Variants in DGLUCY observed in about 807,000 individuals in gnomAD.
DGLUCY encodes the protein D-glutamate cyclase, mitochondrial.
DGLUCY carries 58 observed loss-of-function variants against 58.5 expected under a neutral mutation model. The observed-to-expected ratio is 0.99, with a 90% confidence interval of 0.80 to 1.23. The LOEUF is 1.23. DGLUCY is among the 50% of genes most tolerant of loss of function. The pLI, the probability that DGLUCY is intolerant of heterozygous loss-of-function variation, is 0.00. For missense variants in DGLUCY, 779 were observed against 784.7 expected, an observed-to-expected ratio of 0.99 and a Z score of 0.09; for synonymous variants, 325 against 314.1, an observed-to-expected ratio of 1.03 and a Z score of -0.37.
chr14:91,224,655 C>T, intron 13 of DGLUCY, 29 bp from the exon 14 acceptor site: 11 of 1,568,008 alleles, frequency 7.0e-6, no homozygotes, highest in Non-Finnish European at 9.6e-6. Flanking sequence ...CCCCTCCACT[C>T]CTTCTATTTC....
At chr14:91,116,376 A>G (rs1172183974) in intron 1 of DGLUCY, among the ~76,000 whole-genome samples, 1 of 152,202 alleles carries the variant, frequency 6.6e-6, no homozygotes, top group Non-Finnish European at 1.5e-5. Flanking sequence ...AATTGTAGAG[A>G]AACTAAATGA....
At chr14:91,169,100 A>G (rs1170516565) in intron 4 of DGLUCY, among the ~76,000 whole-genome samples, 2 of 152,012 alleles carry the variant, frequency 1.3e-5, no homozygotes, top group Non-Finnish European at 2.9e-5. Context: ...AAAAAAATAA[A>G]TAAATAAAAA....
intron 1 of DGLUCY, among the ~76,000 whole-genome samples, chr14:91,083,283 A>C (rs925868091): frequency 2.0e-5 from 3 of 152,196 alleles, no homozygotes; most frequent in Non-Finnish European, 4.4e-5. Flanking sequence ...GCACTTTGGG[A>C]GGCCAAGGCA....
intron 1 of DGLUCY, among the ~76,000 whole-genome samples, chr14:91,066,403 A>G (rs931381403): frequency 4.6e-5 from 7 of 151,550 alleles, no homozygotes; most frequent in African/African-American, 9.7e-5. Context: ...AAAAAAAAAA[A>G]AAGAAGGAAA....
At chr14:91,115,751 G>C (rs573546312) in intron 1 of DGLUCY, among the ~76,000 whole-genome samples, 2 of 152,318 alleles carry the variant, frequency 1.3e-5, no homozygotes, top group African/African-American at 4.8e-5. Context: ...TCCAGCTGAG[G>C]GCTAGATCCC....
rs2050440367 is a variant in DGLUCY at position 91,199,790 on chromosome 14, A to G, written c.1329A>G (p.Gly443=). The change falls in exon 11 of 14, where the codon GGA becomes GGG. Residue 443 remains glycine, a synonymous_variant. Transcript: ENST00000256324. The part of the protein sequence containing the change: ...FDHLVAIERA[G]RAADGNYYNA... ...ACCTGGTGGCCATAGAGCGTGCCGGAAGAGCTGCTGATGGCAATTACTACA... is the reference window on the plus strand; with the variant it reads ...ACCTGGTGGCCATAGAGCGTGCCGGGAGAGCTGCTGATGGCAATTACTACA... The G allele has an allele frequency of 6.2e-7, 1 of 1,614,204 alleles. No individual in the cohort carries two copies. The highest frequency in any genetic ancestry group is 1.7e-5 in the Admixed American group (1 of 60,028).
intron 8 of DGLUCY, among the ~76,000 whole-genome samples, chr14:91,187,849 GT>G (rs1016445440): frequency 1.1e-4 from 16 of 151,006 alleles, no homozygotes; most frequent in African/African-American, 3.9e-4. Flanking sequence ...ATCCTTTACT[GT>G]TTTTTTTTCC....
intron 3 of DGLUCY, among the ~76,000 whole-genome samples, chr14:91,165,748 G>A (rs1333088897): frequency 6.6e-6 from 1 of 152,230 alleles, no homozygotes; most frequent in Non-Finnish European, 1.5e-5. Context: ...TATTGGAGAT[G>A]CTCACATACC....
chr14:91,176,039 G>T lies in DGLUCY; in HGVS notation c.713G>T (p.Gly238Val). Residue 238 changes from glycine (G) to valine (V), a missense_variant, in exon 7 of 14, where the codon GGA (glycine) becomes GTA (valine). Gly to Val is a moderately radical substitution (Grantham distance 109). Transcript: ENST00000256324. ...VFWPSPLTSL[G>V]AVSSCETPLA... is the part of the protein sequence containing the mutation. ...TGGCCTTCTCCGCTGACCAGTCTCG[G>T]AGCTGTCAGCAGCTGTGGTACGTTG... 6.2e-7 allele frequency: 1 copy of T among 1,613,998 alleles called. No homozygotes were observed. The highest frequency in any genetic ancestry group is 8.5e-7 in the Non-Finnish European group (1 of 1,179,880).
chr14:91,095,440 G>A (rs1228482540), intron 1 of DGLUCY, among the ~76,000 whole-genome samples: 1 of 152,156 alleles, frequency 6.6e-6, no homozygotes, highest in Non-Finnish European at 1.5e-5. Flanking sequence ...GCTTGTCACC[G>A]CATCTTTACA....
chr14:91,167,302 G>A lies in DGLUCY; in HGVS notation c.181G>A (p.Gly61Ser). Residue 61 changes from glycine to serine, a missense_variant, in exon 4 of 14, where the codon GGT (glycine) becomes AGT (serine). Physicochemically the swap from Gly to Ser is moderately conservative, Grantham distance 56. Transcript: ENST00000256324. ...AFERFCQVNT[G>S]PLPLLGQSEP... ...TGAAAGATTCTGCCAGGTCAACACT[G>A]GTCCTCTACCCCTGCTGGGCCAGAG... 6.2e-7 allele frequency: 1 copy of A among 1,613,854 alleles called. No individual in the cohort carries two copies. Among genetic ancestry groups the A allele is most frequent in the Non-Finnish European group, 8.5e-7 (1 of 1,179,934 alleles).
intron 1 of DGLUCY, among the ~76,000 whole-genome samples, chr14:91,153,285 C>T (rs889047056): frequency 1.3e-5 from 2 of 152,142 alleles, no homozygotes; most frequent in African/African-American, 4.8e-5. Context: ...CTGGTTCAAG[C>T]GAGTCTCGTG....
In DGLUCY at chr14:91,065,601, A is replaced by G. The variant is rs141260089; in HGVS notation, c.-82+4897A>G. ...GGGCCTGGACTTTGGGATTTTTTTT[A>G]AAGCTCCCCACATCATTAACCTAAT... On this transcript the variant is annotated intron_variant, in intron 1 of 4. Coordinates refer to the DGLUCY transcript ENST00000521334. 1.6e-3 allele frequency among the ~76,000 whole-genome samples: 242 copies of G among 152,310 alleles called. 3 individuals are homozygous for G. Among genetic ancestry groups the G allele is most frequent in the Admixed American group, 0.015 (231 of 15,296 alleles).
rs540454892 is a variant in DGLUCY, at chr14:91,177,547, C to T, written c.730+1491C>T. ...ATTACAATGAAGAGACACACGAGGG[C>T]GCCCTCGCTAGCTCTCAGTAAGATA... On this transcript the variant is annotated intron_variant, in intron 7 of 13. Coordinates refer to ENST00000256324, the MANE Select transcript of DGLUCY (RefSeq NM_001102368.3). Among the ~76,000 whole-genome samples the T allele has an allele frequency of 3.9e-5, 6 of 152,302 alleles. No homozygotes were observed. In the South Asian group the frequency reaches 1.0e-3, roughly 26 times the overall value.
At chr14:91,224,344 A>G (rs942739786) in intron 13 of DGLUCY, among the ~76,000 whole-genome samples, 3 of 152,344 alleles carry the variant, frequency 2.0e-5, no homozygotes, top group South Asian at 2.1e-4. Context: ...TCTGGGCAAC[A>G]TAGCAAGACC....
In DGLUCY at chr14:91,169,993, A is replaced by G. The variant is rs756093093; in HGVS notation, c.258-10A>G. 5 of 1,611,570 alleles carry G rather than the reference A, an allele frequency of 3.1e-6. No homozygotes were observed. Among genetic ancestry groups the G allele is most frequent in the Non-Finnish European group, 3.4e-6 (4 of 1,179,690 alleles). ...CTGGGGCCCTCCCAGCTTTCCCCTT[A>G]TGTCCCCAGGATGGGCCATCCCCAG... On this transcript the variant is annotated splice_polypyrimidine_tract_variant and intron_variant, in intron 4 of 13. Transcript: ENST00000256324.
chr14:91,168,099 C>T (rs927812210), intron 4 of DGLUCY, among the ~76,000 whole-genome samples: 7 of 151,816 alleles, frequency 4.6e-5, no homozygotes, highest in African/African-American at 1.7e-4. Flanking sequence ...GACCTGGTCT[C>T]TACAAATTTT....
Position 91,225,029 on chromosome 14 carries a change from T to C in DGLUCY, c.*196T>C. 2.0e-6 allele frequency: 1 copy of C among 504,366 alleles called. No homozygotes were observed. Among genetic ancestry groups the C allele is most frequent in the Non-Finnish European group, 3.3e-6 (1 of 305,414 alleles). 31.2% of individuals were successfully genotyped at this position (504,366 alleles called of 1,614,324 possible). On this transcript the variant is annotated 3_prime_UTR_variant, in exon 14 of 14. Coordinates refer to ENST00000256324, the MANE Select transcript of DGLUCY (RefSeq NM_001102368.3). Reference sequence around the variant, plus strand: ...AGGTGCTGTGGACAAAGGACAACATTTCTCTGGGGCTTTTTAACTTTTATT... The same window carrying C: ...AGGTGCTGTGGACAAAGGACAACATCTCTCTGGGGCTTTTTAACTTTTATT...
chr14:91,117,521 T>C (rs545293288), intron 1 of DGLUCY, among the ~76,000 whole-genome samples: 1 of 152,300 alleles, frequency 6.6e-6, no homozygotes, highest in East Asian at 1.9e-4. Context: ...TGAATCATCC[T>C]GTGCTTCCTT....
Sources: allele counts gnomAD v4.1 joint callset (sites outside exome capture counted in the v4.1 genomes callset), GRCh38; gene constraint gnomAD v4.1.1; transcripts MANE v1.5; gene names NCBI Gene and HGNC (gene_info 2026-07-23, HGNC 2026-07-21).